Variants in FER observed in about 807,000 individuals in gnomAD.
FER encodes the protein FER tyrosine kinase.
Under a neutral mutation model 111.0 loss-of-function variants are expected in FER, and 63 were observed. That is an observed-to-expected ratio of 0.57 (90% CI 0.46 to 0.70). The LOEUF is 0.70. FER is among the 30% of genes least tolerant of loss of function. FER has a pLI of 0.00. For synonymous variants in FER, 327 were observed against 313.9 expected (o/e 1.04, Z -0.44); for missense variants, 914 against 954.0 (o/e 0.96, Z 0.55).
chr5:108,818,561 T>A (rs1758511995), intron 3 of FER, among the ~76,000 whole-genome samples: 1 of 152,234 alleles, frequency 6.6e-6, no homozygotes, highest in African/African-American at 2.4e-5. Flanking sequence ...TCTAAAATTT[T>A]AAAATCTCAA....
intron 13 of FER, among the ~76,000 whole-genome samples, chr5:108,965,108 T>A (rs58729959): frequency 6.6e-6 from 1 of 152,044 alleles, no homozygotes; most frequent in Non-Finnish European, 1.5e-5. Context: ...TTAATTGGCT[T>A]TTTTAAATCA....
chr5:108,976,629 A>T (rs915771737), intron 13 of FER, among the ~76,000 whole-genome samples: 2 of 152,198 alleles, frequency 1.3e-5, no homozygotes, highest in Admixed American at 1.3e-4. Context: ...AGCCTTACTG[A>T]TAACATATTT....
At chr5:109,005,020 A>G (rs1200865110) in intron 13 of FER, among the ~76,000 whole-genome samples, 1 of 152,130 alleles carries the variant, frequency 6.6e-6, no homozygotes, top group Non-Finnish European at 1.5e-5. Context: ...CTCGGAAACT[A>G]GCCACAGTAG....
intron 10 of FER, among the ~76,000 whole-genome samples, chr5:108,914,279 G>A (rs192998854): frequency 6.6e-6 from 1 of 151,872 alleles, no homozygotes; most frequent in East Asian, 1.9e-4. Context: ...TAGATTGTGT[G>A]TTGAGCTTTC....
chr5:108,889,945 A>T (rs183729635), intron 9 of FER, among the ~76,000 whole-genome samples: 168 of 152,126 alleles, frequency 1.1e-3, no homozygotes, highest in African/African-American at 3.8e-3. Context: ...ATACAGAGAG[A>T]TCCCGTGTAC....
intron 16 of FER, among the ~76,000 whole-genome samples, chr5:109,076,078 T>C (rs778387033): frequency 6.6e-6 from 1 of 152,094 alleles, no homozygotes. Context: ...GATTGGAGCT[T>C]TATAACACCC....
chr5:109,167,545 G>T (rs556966040), intron 17 of FER, among the ~76,000 whole-genome samples: 4 of 152,190 alleles, frequency 2.6e-5, no homozygotes, highest in African/African-American at 9.6e-5. Context: ...TGTCTTTGGC[G>T]TGTATTTAAG....
rs1758861925 is a variant in FER, at chr5:109,186,340, A to G, written c.2326+18A>G. Reference sequence around the variant, plus strand: ...AGAAAGAGGTGAGCCAAGTACATTCATTGTTAGTGTTCATGTCCAGCCCCA... The same window carrying G: ...AGAAAGAGGTGAGCCAAGTACATTCGTTGTTAGTGTTCATGTCCAGCCCCA... On this transcript the variant is annotated intron_variant, in intron 19 of 19. Transcript: ENST00000281092. 4 of 1,613,908 alleles carry G rather than the reference A, an allele frequency of 2.5e-6. No individual in the cohort carries two copies. The highest frequency in any genetic ancestry group is 3.4e-6 in the Non-Finnish European group (4 of 1,179,932).
intron 16 of FER, among the ~76,000 whole-genome samples, chr5:109,076,209 C>A (rs906702549): frequency 6.6e-6 from 1 of 152,038 alleles, no homozygotes; most frequent in Admixed American, 6.6e-5. Context: ...AGAACCAAGA[C>A]ATTCAAAGTT....
At chr5:109,169,445 T>C (rs1756881996) in intron 17 of FER, among the ~76,000 whole-genome samples, 1 of 152,134 alleles carries the variant, frequency 6.6e-6, no homozygotes, top group Non-Finnish European at 1.5e-5. Context: ...ATCATAGGAC[T>C]GAAGGGAAAT....
intron 10 of FER, among the ~76,000 whole-genome samples, chr5:108,899,498 A>G (rs1014100178): frequency 6.6e-6 from 1 of 152,128 alleles, no homozygotes; most frequent in African/African-American, 2.4e-5. Context: ...ACGTTGTGGA[A>G]TTGGTTATTT....
rs2126910647 is a variant in FER at position 109,192,904 on chromosome 5, TAGTC to T, written c.*5332_*5335del. 1 of 152,242 alleles carries T rather than the reference TAGTC, an allele frequency of 6.6e-6. No homozygotes were observed. The highest frequency in any genetic ancestry group is 2.1e-4 in the South Asian group (1 of 4,832). 9.4% of individuals were successfully genotyped at this position (152,242 alleles called of 1,614,324 possible). A position where few individuals can be genotyped will look rare whatever the true frequency, so the allele number is the denominator to read the frequency against. ...AAAGGAATCTAGAAATCCTAAAGCTTAGTCAGGGTGCCTAAGGTAAGACACAAAA... is the reference window on the plus strand; with the variant it reads ...AAAGGAATCTAGAAATCCTAAAGCTTAGGGTGCCTAAGGTAAGACACAAAA... On this transcript the variant is annotated 3_prime_UTR_variant, in exon 20 of 20. Coordinates refer to ENST00000281092, the MANE Select transcript of FER (RefSeq NM_005246.4).
At chr5:108,970,647 G>A (rs1428278300) in intron 13 of FER, among the ~76,000 whole-genome samples, 3 of 152,046 alleles carry the variant, frequency 2.0e-5, no homozygotes, top group South Asian at 2.1e-4. Context: ...TATGTGTTAC[G>A]GGAATTCAGA....
chr5:108,846,256 T>G (rs2150173686), intron 5 of FER, among the ~76,000 whole-genome samples: 1 of 152,266 alleles, frequency 6.6e-6, no homozygotes, highest in Admixed American at 6.5e-5. Flanking sequence ...TTTTAAAGTA[T>G]AAATTCACTT....
At chr5:108,901,089 C>T (rs376845986) in intron 10 of FER, among the ~76,000 whole-genome samples, 2 of 151,908 alleles carry the variant, frequency 1.3e-5, no homozygotes, top group African/African-American at 4.8e-5. Context: ...TCCCCACCCC[C>T]GCCATGTGAA....
chr5:108,995,680 G>A lies in FER; in HGVS notation c.1656+36333G>A, dbSNP rs148287814. ...CAGTCTATCATTGATGGGCATTTGGGTTGGTTCCAAGTCTTTGCTATTGTG... is the reference window on the plus strand; with the variant it reads ...CAGTCTATCATTGATGGGCATTTGGATTGGTTCCAAGTCTTTGCTATTGTG... On this transcript the variant is annotated intron_variant, in intron 13 of 19. Coordinates refer to ENST00000281092, the MANE Select transcript of FER (RefSeq NM_005246.4). Among the ~76,000 whole-genome samples, 1,173 of 152,238 alleles carry A rather than the reference G, an allele frequency of 7.7e-3. 16 individuals carry two copies. Among genetic ancestry groups the A allele is most frequent in the African/African-American group, 0.027 (1,107 of 41,532 alleles).
intron 3 of FER, among the ~76,000 whole-genome samples, chr5:108,807,090 T>C (rs1191839292): frequency 2.6e-5 from 4 of 152,198 alleles, no homozygotes; most frequent in Non-Finnish European, 5.9e-5. Flanking sequence ...TCCTGTGCTG[T>C]TCTCATGTTA....
chr5:109,187,397 AT>A, intron 19 of FER, 35 bp from the exon 20 acceptor site: 3 of 1,603,480 alleles, frequency 1.9e-6, no homozygotes, highest in Non-Finnish European at 1.7e-6. Context: ...TCTTACCTCC[AT>A]TCTAAATTCT....
intron 8 of FER, among the ~76,000 whole-genome samples, chr5:108,873,802 A>T (rs1764838501): frequency 6.6e-6 from 1 of 152,184 alleles, no homozygotes; most frequent in Non-Finnish European, 1.5e-5. Flanking sequence ...ATGCTGCTAA[A>T]CGTCCTACAG....
Sources: allele counts gnomAD v4.1 joint callset (sites outside exome capture counted in the v4.1 genomes callset), GRCh38; gene constraint gnomAD v4.1.1; transcripts MANE v1.5; gene names NCBI Gene and HGNC (gene_info 2026-07-23, HGNC 2026-07-21).